The following CAMK1D variants were observed in gnomAD, a reference collection of about 807,000 sequenced individuals.
The protein encoded by CAMK1D is calcium/calmodulin dependent protein kinase ID.
CAMK1D carries 9 observed loss-of-function variants against 47.7 expected under a neutral mutation model. The ratio of observed to expected loss-of-function variants is 0.19; its 90% CI spans 0.11 to 0.33. The LOEUF (loss-of-function observed/expected upper bound fraction) is 0.33, where lower values mean the gene tolerates loss of function less well. Ranked by LOEUF, CAMK1D falls within the 10% of genes least tolerant of loss-of-function variation. The pLI, the probability that CAMK1D is intolerant of heterozygous loss-of-function variation, is 1.00. For missense variants in CAMK1D, 291 were observed against 488.7 expected, an observed-to-expected ratio of 0.60 and a Z score of 3.81; for synonymous variants, 184 against 184.9, an observed-to-expected ratio of 0.99 and a Z score of 0.04.
At chr10:12,528,130 G>T (rs1835685591) in intron 1 of CAMK1D, among the ~76,000 whole-genome samples, 2 of 152,172 alleles carry the variant, frequency 1.3e-5, no homozygotes, top group African/African-American at 4.8e-5. Context: ...TAGAGATGAT[G>T]TTACCTCCTT....
At chr10:12,817,814 G>A (rs997543989) in intron 8 of CAMK1D, among the ~76,000 whole-genome samples, 12 of 151,958 alleles carry the variant, frequency 7.9e-5, no homozygotes, top group East Asian at 3.9e-4. Flanking sequence ...CCTCAGCCCC[G>A]CAAGTAGCTG....
At chr10:12,609,450 A>G (rs1366646214) in intron 2 of CAMK1D, among the ~76,000 whole-genome samples, 1 of 152,224 alleles carries the variant, frequency 6.6e-6, no homozygotes, top group Non-Finnish European at 1.5e-5. Context: ...ACCACTTATC[A>G]TAATGTAGAG....
At chr10:12,737,604 G>A (rs975576926) in intron 3 of CAMK1D, among the ~76,000 whole-genome samples, 3 of 152,118 alleles carry the variant, frequency 2.0e-5, no homozygotes, top group African/African-American at 7.2e-5. Flanking sequence ...ACTTCTGCCT[G>A]TGACCTTACC....
intron 1 of CAMK1D, among the ~76,000 whole-genome samples, chr10:12,378,810 TTTTC>T (rs1394198521): frequency 2.1e-5 from 2 of 93,794 alleles, no homozygotes; most frequent in Non-Finnish European, 4.0e-5. Context: ...TTTCTTTTTC[TTTTC>T]TTTTTTTTTT....
At chr10:12,731,982 G>A (rs1252683777) in intron 3 of CAMK1D, among the ~76,000 whole-genome samples, 4 of 152,130 alleles carry the variant, frequency 2.6e-5, no homozygotes, top group African/African-American at 4.8e-5. Flanking sequence ...GGTGGCTCAC[G>A]CATGTAATCC....
chr10:12,386,881 AAAT>A (rs1207868445), intron 1 of CAMK1D, among the ~76,000 whole-genome samples: 2 of 152,272 alleles, frequency 1.3e-5, no homozygotes, highest in East Asian at 1.9e-4. Flanking sequence ...CTTTAATAAA[AAAT>A]AATAATAATG....
At chr10:12,627,931 T>A (rs973674404) in intron 2 of CAMK1D, among the ~76,000 whole-genome samples, 3 of 151,660 alleles carry the variant, frequency 2.0e-5, no homozygotes, top group African/African-American at 7.3e-5. Context: ...TACAAAAAAA[T>A]TTAGCCAGGC....
At chr10:12,377,036 C>T (rs180854852) in intron 1 of CAMK1D, among the ~76,000 whole-genome samples, 46 of 152,210 alleles carry the variant, frequency 3.0e-4, no homozygotes, top group Non-Finnish European at 4.6e-4. Context: ...GCTGGGATTA[C>T]AGGTGTGAGC....
chr10:12,706,580 G>A (rs1029005317), intron 3 of CAMK1D, among the ~76,000 whole-genome samples: 52 of 152,186 alleles, frequency 3.4e-4, no homozygotes, highest in African/African-American at 1.1e-3. Flanking sequence ...GCTGAGCATG[G>A]TGGGTACACC....
rs979272303 is a variant in CAMK1D at position 12,438,149 on chromosome 10, G to A, written c.92+88239G>A. Among the ~76,000 whole-genome samples the A allele has an allele frequency of 2.0e-5, 3 of 152,360 alleles. No individual in the cohort carries two copies. In the East Asian group the frequency reaches 5.8e-4, roughly 29 times the overall value. The stretch of plus-strand genomic sequence containing the variant: ...CAGCCAAGGGCCAACCTTGTGAGGG[G>A]CCTTTTGAAGCACGTGCTCTTTTCT... On this transcript the variant is annotated intron_variant, in intron 1 of 10. Transcript: ENST00000619168.
chr10:12,502,050 G>A (rs1111061), intron 1 of CAMK1D, among the ~76,000 whole-genome samples: 15 of 152,158 alleles, frequency 9.9e-5, no homozygotes, highest in African/African-American at 3.4e-4. Context: ...CAGCCACCAG[G>A]GCAGGCAGCC....
intron 1 of CAMK1D, among the ~76,000 whole-genome samples, chr10:12,538,850 A>T (rs540749335): frequency 6.0e-5 from 9 of 150,366 alleles, no homozygotes; most frequent in African/African-American, 2.0e-4. Context: ...GGGGCAGTGG[A>T]ACTCATGTCC....
chr10:12,784,354 C>T (rs1040578851), intron 5 of CAMK1D, among the ~76,000 whole-genome samples: 8 of 152,060 alleles, frequency 5.3e-5, no homozygotes, highest in Non-Finnish European at 7.4e-5. Flanking sequence ...TCCACCACCG[C>T]GTCTGGCTAA....
At chr10:12,590,444 G>A (rs1329130423) in intron 2 of CAMK1D, among the ~76,000 whole-genome samples, 1 of 152,066 alleles carries the variant, frequency 6.6e-6, no homozygotes, top group African/African-American at 2.4e-5. Context: ...CAGGCTGATC[G>A]TGAACTCCTG....
intron 1 of CAMK1D, among the ~76,000 whole-genome samples, chr10:12,545,988 G>A (rs185024608): frequency 2.0e-5 from 3 of 152,274 alleles, no homozygotes; most frequent in Non-Finnish European, 1.5e-5. Flanking sequence ...GGCGTGGAGT[G>A]TTTGTACTGG....
At chr10:12,702,833 G>A (rs1299710371) in intron 3 of CAMK1D, among the ~76,000 whole-genome samples, 2 of 152,210 alleles carry the variant, frequency 1.3e-5, no homozygotes, top group African/African-American at 2.4e-5. Flanking sequence ...GGTACTTCCT[G>A]AAGATTCCAC....
chr10:12,653,038 C>T (rs1840021989), intron 2 of CAMK1D: 1 of 153,408 alleles, frequency 6.5e-6, no homozygotes, highest in African/African-American at 2.4e-5. Context: ...GCTGGGAAGT[C>T]CAAGGTGGAG....
chr10:12,686,299 T>A (rs1482941476), intron 3 of CAMK1D, among the ~76,000 whole-genome samples: 2 of 152,132 alleles, frequency 1.3e-5, no homozygotes, highest in African/African-American at 4.8e-5. Flanking sequence ...CATGATGTTG[T>A]AGTAGTACAT....
At chr10:12,693,233 C>T (rs1264591519) in intron 3 of CAMK1D, among the ~76,000 whole-genome samples, 1 of 152,006 alleles carries the variant, frequency 6.6e-6, no homozygotes, top group Admixed American at 6.6e-5. Flanking sequence ...GGCATGGTGG[C>T]GTGCGCCTGT....
Sources: allele counts gnomAD v4.1 joint callset (sites outside exome capture counted in the v4.1 genomes callset), GRCh38; gene constraint gnomAD v4.1.1; transcripts MANE v1.5; gene names NCBI Gene and HGNC (gene_info 2026-07-23, HGNC 2026-07-21).